The following TNRC6B variants were observed in gnomAD, a reference collection of about 807,000 sequenced individuals.
TNRC6B encodes trinucleotide repeat containing adaptor 6B.
In TNRC6B, 52 loss-of-function variants were observed where a neutral mutation model predicts 203.6. That is an observed-to-expected ratio of 0.26 (90% CI 0.20 to 0.32). The LOEUF (loss-of-function observed/expected upper bound fraction) is 0.32. Ranked by LOEUF, TNRC6B falls within the 10% of genes least tolerant of loss-of-function variation. TNRC6B has a pLI of 1.00. For synonymous variants in TNRC6B, 838 were observed against 845.7 expected, an observed-to-expected ratio of 0.99 and a Z score of 0.16; for missense variants, 1,923 against 2,286.2, an observed-to-expected ratio of 0.84 and a Z score of 3.24.
At chr22:40,114,690 T>A (rs914315378) in intron 1 of TNRC6B, among the ~76,000 whole-genome samples, 6 of 152,138 alleles carry the variant, frequency 3.9e-5, no homozygotes, top group Non-Finnish European at 5.9e-5. Flanking sequence ...TAACCCAAGA[T>A]CCACTGAACA....
At chr22:40,181,943 C>G (rs1351261958) in intron 1 of TNRC6B, among the ~76,000 whole-genome samples, 2 of 92,752 alleles carry the variant, frequency 2.2e-5, no homozygotes, top group Admixed American at 2.1e-4. Flanking sequence ...GACCCTGTCT[C>G]GAGAGAAAAA....
At chr22:40,153,156 A>G (rs948050543) in intron 3 of TNRC6B, among the ~76,000 whole-genome samples, 1 of 152,194 alleles carries the variant, frequency 6.6e-6, no homozygotes, top group African/African-American at 2.4e-5. Context: ...GTGTGGATAA[A>G]ACAAGGACGT....
intron 1 of TNRC6B, among the ~76,000 whole-genome samples, chr22:40,059,160 C>T (rs1284077297): frequency 1.3e-5 from 2 of 152,130 alleles, no homozygotes; most frequent in South Asian, 2.1e-4. Flanking sequence ...AAAGGTTTGA[C>T]TTATGTAAAA....
intron 12 of TNRC6B, among the ~76,000 whole-genome samples, chr22:40,290,604 C>T (rs532273091): frequency 6.6e-6 from 1 of 152,314 alleles, no homozygotes; most frequent in East Asian, 1.9e-4. Context: ...GCTTCTCTGC[C>T]ACCTTCCCTA....
chr22:40,320,604 T>C (rs1464122345), intron 21 of TNRC6B, among the ~76,000 whole-genome samples: 3 of 152,212 alleles, frequency 2.0e-5, no homozygotes, highest in Non-Finnish European at 4.4e-5. Context: ...GGTGAAAGTC[T>C]AACTGGGGTG....
chr22:40,206,504 G>T (rs2069479976), intron 1 of TNRC6B, among the ~76,000 whole-genome samples: 1 of 152,180 alleles, frequency 6.6e-6, no homozygotes, highest in South Asian at 2.1e-4. Flanking sequence ...TTTTAAAAAT[G>T]TCAATTCTTC....
chr22:40,165,129 T>C (rs1381910547), intron 4 of TNRC6B, among the ~76,000 whole-genome samples: 1 of 150,086 alleles, frequency 6.7e-6, no homozygotes, highest in Non-Finnish European at 1.5e-5. Context: ...GGTCTTACTT[T>C]GTCACCCAAG....
In TNRC6B at chr22:40,315,217, A is replaced by C. The variant is rs577989863; in HGVS notation, c.4679-66A>C. The C allele has an allele frequency of 1.2e-5, 16 of 1,280,466 alleles. No individual in the cohort carries two copies. In the African/African-American group the frequency reaches 1.7e-4, roughly 13 times the overall value. 79.3% of individuals were successfully genotyped at this position (1,280,466 alleles called of 1,614,324 possible). ...ATTTATGTGTATGTAGATAAAACTC[A>C]TGTGTATTTGTCAACAAAAGTGAAC... is the stretch of plus-strand genomic sequence containing the variant. On this transcript the variant is annotated intron_variant, in intron 19 of 22. Coordinates refer to ENST00000454349, the MANE Select transcript of TNRC6B (RefSeq NM_001162501.2).
intron 1 of TNRC6B, among the ~76,000 whole-genome samples, chr22:40,199,069 C>G (rs898717476): frequency 1.1e-4 from 17 of 151,956 alleles, no homozygotes; most frequent in South Asian, 1.0e-3. Context: ...TGAAAACATG[C>G]CAAAAGGACC....
chr22:40,169,019 T>C (rs943449943), intron 4 of TNRC6B, among the ~76,000 whole-genome samples: 1 of 152,178 alleles, frequency 6.6e-6, no homozygotes, highest in African/African-American at 2.4e-5. Context: ...ATCGTTTTTG[T>C]ATGCCCCTGG....
chr22:40,208,434 C>T (rs1188770267), intron 1 of TNRC6B, among the ~76,000 whole-genome samples: 1 of 152,110 alleles, frequency 6.6e-6, no homozygotes, highest in South Asian at 2.1e-4. Flanking sequence ...ATAAATACAG[C>T]GTGGTACTCT....
At position 40,334,393 on chromosome 22, in the gene TNRC6B, C is replaced by T. The variant is rs1469732661; in HGVS notation, c.*11152C>T. On this transcript the variant is annotated 3_prime_UTR_variant, in exon 23 of 23. Coordinates refer to ENST00000454349, the MANE Select transcript of TNRC6B (RefSeq NM_001162501.2). ...AACAGGTTTTAAAAAAACAAAAAAC[C>T]CTTCTGGGAGGAAAAAAATAAAAAG... The T allele has an allele frequency of 6.6e-6, 1 of 152,440 alleles. No homozygotes were observed. Among genetic ancestry groups the T allele is most frequent in the Admixed American group, 6.6e-5 (1 of 15,264 alleles). The allele number at this position is 152,440 out of a possible 1,614,324, so 9.4% of individuals were successfully genotyped here.
intron 1 of TNRC6B, among the ~76,000 whole-genome samples, chr22:40,066,335 G>A (rs1028678255): frequency 9.2e-5 from 14 of 152,086 alleles, no homozygotes; most frequent in Admixed American, 7.2e-4. Context: ...TATTGCTCTC[G>A]TTACTTCACC....
intron 3 of TNRC6B, among the ~76,000 whole-genome samples, chr22:40,149,347 G>T (rs898918784): frequency 6.6e-6 from 1 of 152,162 alleles, no homozygotes; most frequent in Admixed American, 6.5e-5. Flanking sequence ...ATCAGTGGTT[G>T]CCTAGGCAGG....
intron 4 of TNRC6B, among the ~76,000 whole-genome samples, chr22:40,172,456 T>A (rs1421881934): frequency 6.6e-6 from 1 of 152,254 alleles, no homozygotes; most frequent in Non-Finnish European, 1.5e-5. Flanking sequence ...GTAGCTAGTT[T>A]AACTGTCCCT....
intron 1 of TNRC6B, among the ~76,000 whole-genome samples, chr22:40,243,213 G>A (rs2070056935): frequency 6.6e-6 from 1 of 152,104 alleles, no homozygotes; most frequent in South Asian, 2.1e-4. Flanking sequence ...GTGCAGCCTA[G>A]ATAGAGAACA....
chr22:40,107,520 A>G (rs1434396718), intron 1 of TNRC6B, among the ~76,000 whole-genome samples: 2 of 152,182 alleles, frequency 1.3e-5, no homozygotes, highest in Non-Finnish European at 2.9e-5. Flanking sequence ...AAAAAATAAA[A>G]AAAGACTGAA....
chr22:40,052,066 TC>T (rs2067750550), intron 1 of TNRC6B, among the ~76,000 whole-genome samples: 1 of 152,112 alleles, frequency 6.6e-6, no homozygotes, highest in African/African-American at 2.4e-5. Context: ...CCTGGGTACT[TC>T]CAGCCACTGG....
chr22:40,130,666 A>G (rs2068533386), intron 3 of TNRC6B, among the ~76,000 whole-genome samples: 1 of 145,510 alleles, frequency 6.9e-6, no homozygotes, highest in Non-Finnish European at 1.5e-5. Context: ...GGATGCCTGT[A>G]GTCCCCCGCG....
Sources: gnomAD v4.1 joint callset for allele counts (sites outside exome capture counted in the v4.1 genomes callset) on GRCh38, gnomAD v4.1.1 for gene constraint, MANE v1.5 for transcripts, NCBI Gene and HGNC (gene_info 2026-07-23, HGNC 2026-07-21) for gene names.